CD46: variants seen among roughly 807,000 people sequenced by gnomAD.
CD46 encodes the protein membrane cofactor protein.
Under a neutral mutation model 53.3 loss-of-function variants are expected in CD46, and 30 were observed. The observed-to-expected ratio is 0.56, with a 90% CI of 0.42 to 0.76. The LOEUF is 0.76. Among genes scored for constraint, CD46 ranks in the 30% least tolerant of loss-of-function variants. The pLI is 0.00. For missense variants in CD46, 409 were observed against 463.0 expected (o/e 0.88, Z 1.07); for synonymous variants, 142 against 152.0 (o/e 0.93, Z 0.48).
chr1:207,767,904 G>T, intron 7 of CD46, 81 bp downstream of exon 7: 4 of 1,147,898 alleles, frequency 3.5e-6, no homozygotes, highest in Non-Finnish European at 5.3e-6. Context: ...CAAATTTCTG[G>T]TGATGTTCAC....
intron 10 of CD46, among the ~76,000 whole-genome samples, chr1:207,785,387 G>C (rs1327798944): frequency 2.6e-5 from 4 of 152,170 alleles, no homozygotes; most frequent in African/African-American, 9.7e-5. Context: ...ATGTGCTTTT[G>C]ATAGTTTTCT....
At chr1:207,779,168 C>A (rs922062466) in intron 8 of CD46, among the ~76,000 whole-genome samples, 1 of 152,088 alleles carries the variant, frequency 6.6e-6, no homozygotes, top group Non-Finnish European at 1.5e-5. Context: ...TGTTTATCAT[C>A]TGGAGCAGCT....
At chr1:207,789,717 T>TA (rs1659607864) in intron 11 of CD46, among the ~76,000 whole-genome samples, 1 of 152,020 alleles carries the variant, frequency 6.6e-6, no homozygotes, top group African/African-American at 2.4e-5. Flanking sequence ...ATTTGATACA[T>TA]ACTCAATGTA....
intron 2 of CD46, 130 bp downstream of exon 2, chr1:207,757,332 T>C: frequency 2.1e-6 from 2 of 958,722 alleles, no homozygotes; most frequent in Non-Finnish European, 3.3e-6. Context: ...AATGCATTTT[T>C]GCAAGCTTTG....
At chr1:207,757,255 A>G in intron 2 of CD46, 53 bp downstream of exon 2, 2 of 1,447,254 alleles carry the variant, frequency 1.4e-6, no homozygotes, top group South Asian at 1.1e-5. Flanking sequence ...ATTTGCATAC[A>G]TTTTGGGGTA....
chr1:207,752,685 T>C lies in CD46; in HGVS notation c.97+376T>C, dbSNP rs1655055276. 1.3e-5 allele frequency among the ~76,000 whole-genome samples: 2 copies of C among 152,076 alleles called. No homozygotes were observed. The highest frequency in any genetic ancestry group is 2.4e-5 in the African/African-American group (1 of 41,396). On this transcript the variant is annotated intron_variant, in intron 1 of 12. Transcript: ENST00000367042. The surrounding 1 kb of genome is among the most constrained non-coding windows in gnomAD (Gnocchi z 4.1). ...GAGTGTTGCTAGGGCCCGTGCTGTGTCCGTGGTGAGAGTTTGCCCTGTGTT... is the reference window on the plus strand; with the variant it reads ...GAGTGTTGCTAGGGCCCGTGCTGTGCCCGTGGTGAGAGTTTGCCCTGTGTT...
intron 9 of CD46, among the ~76,000 whole-genome samples, chr1:207,784,160 C>A (rs959643306): frequency 2.0e-5 from 3 of 151,928 alleles, no homozygotes; most frequent in Non-Finnish European, 2.9e-5. Context: ...TGGGGCAGGG[C>A]AGAGTATGGA....
chr1:207,773,712 AATTT>A (rs1204567654), intron 8 of CD46, among the ~76,000 whole-genome samples: 3 of 152,022 alleles, frequency 2.0e-5, no homozygotes, highest in African/African-American at 7.2e-5. Flanking sequence ...GTTTTGAGTG[AATTT>A]ATTAATCCTG....
intron 8 of CD46, among the ~76,000 whole-genome samples, chr1:207,773,596 C>A (rs1050171890): frequency 6.6e-6 from 1 of 152,044 alleles, no homozygotes; most frequent in Non-Finnish European, 1.5e-5. Context: ...TACGTTGTAT[C>A]TTTGTTCTCG....
At chr1:207,791,322 G>C (rs1442778736) in intron 12 of CD46, among the ~76,000 whole-genome samples, 1 of 152,178 alleles carries the variant, frequency 6.6e-6, no homozygotes, top group East Asian at 1.9e-4. Context: ...GGCACAGTAG[G>C]AGATTAACAG....
chr1:207,772,958 T>C (rs1487449703), intron 8 of CD46, among the ~76,000 whole-genome samples: 1 of 152,250 alleles, frequency 6.6e-6, no homozygotes, highest in Non-Finnish European at 1.5e-5. Context: ...TTGATTGAAA[T>C]AGTTTCAAAG....
intron 5 of CD46, among the ~76,000 whole-genome samples, chr1:207,763,951 T>C (rs1656545882): frequency 8.2e-6 from 1 of 122,028 alleles, no homozygotes; most frequent in Admixed American, 8.1e-5. Flanking sequence ...ACACAGCTGC[T>C]ACACTTTTTT....
At chr1:207,780,020 A>C (rs888832921) in intron 8 of CD46, among the ~76,000 whole-genome samples, 2 of 146,752 alleles carry the variant, frequency 1.4e-5, no homozygotes, top group East Asian at 4.3e-4. Context: ...TTCCAAATAA[A>C]CTTTTTATCT....
chr1:207,778,633 C>A (rs924614810), intron 8 of CD46, among the ~76,000 whole-genome samples: 5 of 152,076 alleles, frequency 3.3e-5, no homozygotes, highest in Admixed American at 2.6e-4. Context: ...CTATTCTGTT[C>A]CATTGGTGTA....
intron 12 of CD46, 53 bp downstream of exon 12, chr1:207,790,398 C>A: frequency 2.3e-6 from 2 of 877,962 alleles, no homozygotes; most frequent in Non-Finnish European, 1.9e-6. Flanking sequence ...GAAAAATATT[C>A]AGTGGATATA....
chr1:207,758,921 C>T (rs1453519458), intron 3 of CD46, among the ~76,000 whole-genome samples: 1 of 151,758 alleles, frequency 6.6e-6, no homozygotes, highest in African/African-American at 2.4e-5. Flanking sequence ...ATGAGAAATA[C>T]CAAATAAGTA....
chr1:207,760,642 T>C (rs1656074208), intron 4 of CD46: 1 of 152,468 alleles, frequency 6.6e-6, no homozygotes, highest in South Asian at 2.1e-4. Flanking sequence ...ACTGGGTAAT[T>C]TATAAAGAAA....
At chr1:207,757,693 G>A in intron 3 of CD46, 51 bp downstream of exon 3, 1 of 1,194,770 alleles carries the variant, frequency 8.4e-7, no homozygotes, top group Middle Eastern at 2.2e-4. Context: ...TTTTATTTTT[G>A]TTTTGCTTCT....
intron 1 of CD46, among the ~76,000 whole-genome samples, chr1:207,755,652 G>T (rs1039886011): frequency 6.6e-6 from 1 of 152,162 alleles, no homozygotes. Context: ...AGTGAAAGAA[G>T]CCAAGATCAG....
Sources: allele counts gnomAD v4.1 joint callset (sites outside exome capture counted in the v4.1 genomes callset), GRCh38; gene constraint gnomAD v4.1.1; non-coding constraint Gnocchi (gnomAD v3.1); transcripts MANE v1.5; gene names NCBI Gene and HGNC (gene_info 2026-07-23, HGNC 2026-07-21).